Variants in INS observed in about 807,000 individuals in gnomAD.
INS encodes insulin.
INS carries 6 observed loss-of-function variants against 10.5 expected under a neutral mutation model. That is an observed-to-expected ratio of 0.57 (90% CI 0.31 to 1.13). The LOEUF is 1.13. INS is among the 50% of genes most tolerant of loss of function. The pLI is 0.05. For synonymous variants in INS, 71 were observed against 62.7 expected, an observed-to-expected ratio of 1.13 and a Z score of -0.63; for missense variants, 109 against 138.6, an observed-to-expected ratio of 0.79 and a Z score of 1.07.
At position 2,159,970 on chromosome 11, in the gene INS, GGGCCCCCGCCCA is replaced by G. The variant is rs1369317193; in HGVS notation, c.203_214del (p.Leu68_Gly71del). 1 of 1,589,904 alleles carries G rather than the reference GGGCCCCCGCCCA, an allele frequency of 6.3e-7. No homozygotes were observed. Among genetic ancestry groups the G allele is most frequent in the Non-Finnish European group, 8.5e-7 (1 of 1,170,638 alleles). On this transcript the variant is annotated inframe_deletion, in exon 3 of 3. Transcript: ENST00000381330. Reference sequence around the variant, plus strand: ...CAAGGGCTGCAGGCTGCCTGCACCAGGGCCCCCGCCCAGCTCCACCTGCCCCACTGCCAGGAC... The same window carrying G: ...CAAGGGCTGCAGGCTGCCTGCACCAGGCTCCACCTGCCCCACTGCCAGGAC...
Position 2,160,903 on chromosome 11 carries a change from T to A in INS, c.69A>T (p.Ala23=). ...LLALWGPDPA[A]AFVNQHLCGS... ...CGCACAGGTGTTGGTTCACAAAGGC[T>A]GCGGCTGGGTCAGGTCCCCAGAGGG... The change falls in exon 2 of 3, where the codon GCA becomes GCT. Residue 23 remains alanine, a synonymous_variant. Transcript: ENST00000381330. The A allele has an allele frequency of 6.2e-7, 1 of 1,612,638 alleles. No homozygotes were observed. The highest frequency in any genetic ancestry group is 8.5e-7 in the Non-Finnish European group (1 of 1,179,840).
In INS at chr11:2,160,942, C is replaced by G; in HGVS notation, c.30G>C (p.Leu10=). The G allele has an allele frequency of 6.2e-7, 1 of 1,612,582 alleles. No homozygotes were observed. The highest frequency in any genetic ancestry group is 8.5e-7 in the Non-Finnish European group (1 of 1,179,834). The stretch of plus-strand genomic sequence containing the variant: ...GTCCCCAGAGGGCCAGCAGCGCCAG[C>G]AGGGGCAGGAGGCGCATCCACAGGG... MALWMRLLP[L]LALLALWGPD... is the part of the protein sequence containing the mutation. The change falls in exon 2 of 3, where the codon CTG becomes CTC. Residue 10 remains leucine (L), a synonymous_variant. Coordinates refer to ENST00000381330, the MANE Select transcript of INS (RefSeq NM_000207.3).
At chr11:2,160,547 C>T (rs1369230507) in intron 2 of INS, among the ~76,000 whole-genome samples, 2 of 152,180 alleles carry the variant, frequency 1.3e-5, no homozygotes, top group East Asian at 1.9e-4. Flanking sequence ...AGCGTGCCCA[C>T]CCTCTGATGT....
At chr11:2,160,742 G>A in intron 2 of INS, 43 bp downstream of exon 2, 1 of 1,602,496 alleles carries the variant, frequency 6.2e-7, no homozygotes. Context: ...GGAGCAGGGG[G>A]TGGCTGGGGG....
rs11557610 is a variant in INS, at chr11:2,160,945, G to A, written c.27C>T (p.Pro9=). The A allele has an allele frequency of 6.2e-7, 1 of 1,612,474 alleles. No homozygotes were observed. The highest frequency in any genetic ancestry group is 1.3e-5 in the African/African-American group (1 of 74,930). ...CCCAGAGGGCCAGCAGCGCCAGCAG[G>A]GGCAGGAGGCGCATCCACAGGGCCA... The part of the protein sequence containing the change: MALWMRLL[P]LLALLALWGP... The change falls in exon 2 of 3, where the codon CCC becomes CCT. Residue 9 remains proline (P), a synonymous_variant. Coordinates refer to ENST00000381330, the MANE Select transcript of INS (RefSeq NM_000207.3).
At chr11:2,160,726 G>A (rs906317516) in intron 2 of INS, 59 bp downstream of exon 2, 109 of 1,594,646 alleles carry the variant, frequency 6.8e-5, no homozygotes, top group Non-Finnish European at 8.4e-5. Flanking sequence ...CTGGGTGGGA[G>A]CGCCAGGAGC....
intron 2 of INS, 86 bp downstream of exon 2, chr11:2,160,699 G>GC: frequency 6.5e-7 from 1 of 1,549,422 alleles, no homozygotes; most frequent in Non-Finnish European, 8.9e-7. Flanking sequence ...GCAGCCTCCT[G>GC]CCCCCTTCTG....
chr11:2,160,080 GTGCCCGCC>G, intron 2 of INS, 83 bp from the exon 3 acceptor site: 1 of 1,422,120 alleles, frequency 7.0e-7, no homozygotes, highest in Non-Finnish European at 9.6e-7. Context: ...GGGAGACACA[GTGCCCGCC>G]TGCCCGCCAG....
rs1052149338 is a variant in INS, at chr11:2,160,728, G to T, written c.187+57C>A. 1.2e-4 allele frequency: 195 copies of T among 1,594,870 alleles called. 1 individual carries two copies. Among genetic ancestry groups the T allele is most frequent in the Non-Finnish European group, 1.6e-4 (182 of 1,165,646 alleles). Reference sequence around the variant, plus strand: ...CCTTCTGCCCATGCTGGGTGGGAGCGCCAGGAGCAGGGGGTGGCTGGGGGC... The same window carrying T: ...CCTTCTGCCCATGCTGGGTGGGAGCTCCAGGAGCAGGGGGTGGCTGGGGGC... On this transcript the variant is annotated intron_variant, in intron 2 of 2. Coordinates refer to ENST00000381330, the MANE Select transcript of INS (RefSeq NM_000207.3).
chr11:2,160,172 T>C (rs1006077352), intron 2 of INS, among the ~76,000 whole-genome samples, 175 bp from the exon 3 acceptor site: 27 of 152,114 alleles, frequency 1.8e-4, no homozygotes, highest in African/African-American at 6.0e-4. Flanking sequence ...ACACTGGGTG[T>C]GGACCTACAG....
chr11:2,160,711 C>T, intron 2 of INS, 74 bp downstream of exon 2: 2 of 1,583,706 alleles, frequency 1.3e-6, no homozygotes, highest in South Asian at 1.1e-5. Flanking sequence ...CCCCTTCTGC[C>T]CATGCTGGGT....
In INS at chr11:2,160,843, G is replaced by A. The variant is rs201392940; in HGVS notation, c.129C>T (p.Cys43=). The part of the protein sequence containing the change: ...SHLVEALYLV[C]GERGFFYTPK... ...GTGTGTAGAAGAAGCCTCGTTCCCC[G>A]CACACTAGGTAGAGAGCTTCCACCA... Residue 43 remains cysteine, a synonymous_variant, in exon 2 of 3, where the codon TGC becomes TGT. Transcript: ENST00000381330. The A allele has an allele frequency of 3.2e-5, 51 of 1,612,702 alleles. No homozygotes were observed. Among genetic ancestry groups the A allele is most frequent in the Middle Eastern group, 1.7e-4 (1 of 6,056 alleles).
At position 2,160,767 on chromosome 11, in the gene INS, A is replaced by C. The variant is rs373831656; in HGVS notation, c.187+18T>G. On this transcript the variant is annotated intron_variant, in intron 2 of 2. Coordinates refer to ENST00000381330, the MANE Select transcript of INS (RefSeq NM_000207.3). Reference sequence around the variant, plus strand: ...GTGGCTGGGGGCGGCCAGGGGCAGCAATGGGCAGTTGGCTCACCCTGCAGG... The same window carrying C: ...GTGGCTGGGGGCGGCCAGGGGCAGCCATGGGCAGTTGGCTCACCCTGCAGG... 1.8e-5 allele frequency: 29 copies of C among 1,609,536 alleles called. No individual in the cohort carries two copies. Among genetic ancestry groups the C allele is most frequent in the Non-Finnish European group, 2.4e-5 (28 of 1,177,478 alleles).
chr11:2,160,682 C>T (rs895040384), intron 2 of INS, 103 bp downstream of exon 2: 1 of 1,445,052 alleles, frequency 6.9e-7, no homozygotes, highest in Non-Finnish European at 9.6e-7. Flanking sequence ...TGACCCCCTG[C>T]TGGGTGGCAG....
intron 2 of INS, among the ~76,000 whole-genome samples, chr11:2,160,563 G>A (rs533591766): frequency 1.3e-5 from 2 of 152,192 alleles, no homozygotes; most frequent in Admixed American, 6.5e-5. Flanking sequence ...GATGTATCTC[G>A]GGGCTGCCGA....
Position 2,159,961 on chromosome 11 carries a change from C to T in INS, c.224G>A (p.Gly75Asp), listed in dbSNP as rs144093133. 156 of 1,592,960 alleles carry T rather than the reference C, an allele frequency of 9.8e-5. 1 individual carries two copies. The African/African-American group carries it at 2.0e-3, about 20-fold the overall frequency. Residue 75 changes from glycine (G) to aspartate (D), a missense_variant, in exon 3 of 3, where the codon GGC becomes GAC. Gly to Asp is a moderately conservative substitution (Grantham distance 94, BLOSUM62 -1). Transcript: ENST00000381330. ...QVELGGGPGAGSLQPLALEGS... is the reference protein window; with the variant it reads ...QVELGGGPGADSLQPLALEGS... ...CTCCAGGGCCAAGGGCTGCAGGCTG[C>T]CTGCACCAGGGCCCCCGCCCAGCTC...
chr11:2,160,000 G>C lies in INS; in HGVS notation c.188-3C>G. 1 of 1,578,570 alleles carries C rather than the reference G, an allele frequency of 6.3e-7. No individual in the cohort carries two copies. Among genetic ancestry groups the C allele is most frequent in the East Asian group, 2.3e-5 (1 of 43,722 alleles). On this transcript the variant is annotated splice_region_variant and splice_polypyrimidine_tract_variant and intron_variant, in intron 2 of 2. Coordinates refer to ENST00000381330, the MANE Select transcript of INS (RefSeq NM_000207.3). The stretch of plus-strand genomic sequence containing the variant: ...CCCGCCCAGCTCCACCTGCCCCACT[G>C]CCAGGACGTGCCGCGCAGAGCAGGT...
chr11:2,159,850 G>A lies in INS; in HGVS notation c.*2C>T, dbSNP rs200306755. 201 of 1,611,132 alleles carry A rather than the reference G, an allele frequency of 1.2e-4. 1 individual carries two copies. Among genetic ancestry groups the A allele is most frequent in the Admixed American group, 3.3e-4 (20 of 59,798 alleles). ...GGGTGTGGGGCTGCCTGCGGGCTGC[G>A]TCTAGTTGCAGTAGTTCTCCAGCTG... On this transcript the variant is annotated 3_prime_UTR_variant, in exon 3 of 3. Transcript: ENST00000381330.
chr11:2,160,747 TG>T (rs1209009021), intron 2 of INS, 37 bp downstream of exon 2: 4 of 1,603,058 alleles, frequency 2.5e-6, no homozygotes, highest in Non-Finnish European at 3.4e-6. Context: ...AGGGGGTGGC[TG>T]GGGGCGGCCA....
Sources: gnomAD v4.1 joint callset for allele counts (sites outside exome capture counted in the v4.1 genomes callset) on GRCh38, gnomAD v4.1.1 for gene constraint, MANE v1.5 for transcripts, NCBI Gene and HGNC (gene_info 2026-07-23, HGNC 2026-07-21) for gene names.